The following OCA2 variants were observed in gnomAD, a reference collection of about 807,000 sequenced individuals.
The protein encoded by OCA2 is OCA2 melanosomal transmembrane protein.
A neutral mutation model predicts 100.2 loss-of-function variants in OCA2; 77 were observed. That is an observed-to-expected ratio of 0.77 (90% CI 0.64 to 0.93). The LOEUF is 0.93. Ranked by LOEUF, OCA2 falls within the 40% of genes least tolerant of loss-of-function variation. The pLI is 0.00. For missense variants in OCA2, 1,062 were observed against 1,089.1 expected (o/e 0.98, Z 0.35); for synonymous variants, 432 against 439.2 (o/e 0.98, Z 0.21).
chr15:27,910,784 C>T (rs1395356825), intron 19 of OCA2, among the ~76,000 whole-genome samples: 6 of 151,670 alleles, frequency 4.0e-5, no homozygotes, highest in East Asian at 1.9e-4. Context: ...AGTGAAACCC[C>T]GCATCTACTA....
At chr15:27,904,783 G>A (rs1467429189) in intron 19 of OCA2, among the ~76,000 whole-genome samples, 1 of 151,844 alleles carries the variant, frequency 6.6e-6, no homozygotes, top group East Asian at 1.9e-4. Context: ...AGCTTGCCTG[G>A]GTAGGCCTCT....
intron 21 of OCA2, among the ~76,000 whole-genome samples, chr15:27,856,676 TAC>T (rs973800458): frequency 4.0e-5 from 6 of 149,470 alleles, no homozygotes; most frequent in Admixed American, 2.0e-4. Flanking sequence ...ATTATTTCTG[TAC>T]ACACACACAA....
downstream of OCA2, among the ~76,000 whole-genome samples, chr15:27,753,899 G>A (rs1427267555): frequency 5.3e-5 from 8 of 152,098 alleles, no homozygotes; most frequent in Non-Finnish European, 1.5e-5. Flanking sequence ...GATGGGAGCT[G>A]AGCTGGAAGG....
the OCA2 span, among the ~76,000 whole-genome samples, chr15:27,731,689 C>T: frequency 2.0e-5 from 3 of 152,194 alleles, no homozygotes; most frequent in African/African-American, 4.8e-5. Flanking sequence ...TAAATTACCT[C>T]AGCTGAATGG....
rs538049290 is a variant in OCA2 at position 27,844,227 on chromosome 15, C to T, written c.2432+732G>A. 1.1e-3 allele frequency among the ~76,000 whole-genome samples: 163 copies of T among 152,330 alleles called. 1 individual carries two copies. The highest frequency in any genetic ancestry group is 2.0e-3 in the Non-Finnish European group (135 of 68,036). ...CCCCACCGAGGGCCTCATCTCTGCACAGTCCTCCTGAGAGGTGCCCACACA... is the reference window on the plus strand; with the variant it reads ...CCCCACCGAGGGCCTCATCTCTGCATAGTCCTCCTGAGAGGTGCCCACACA... On this transcript the variant is annotated intron_variant, in intron 23 of 23. Transcript: ENST00000354638.
intron 18 of OCA2, among the ~76,000 whole-genome samples, chr15:27,948,429 G>A (rs1371020780): frequency 1.3e-5 from 2 of 152,108 alleles, no homozygotes; most frequent in African/African-American, 2.4e-5. Context: ...GCTCAGAAGT[G>A]TCTGGAGTAG....
At chr15:27,951,023 G>A (rs978064092) in intron 18 of OCA2, among the ~76,000 whole-genome samples, 6 of 152,206 alleles carry the variant, frequency 3.9e-5, no homozygotes, top group African/African-American at 9.6e-5. Context: ...ACACTTTCAT[G>A]TGGGGTGGGT....
chr15:28,016,799 A>T (rs1249245016), intron 7 of OCA2, among the ~76,000 whole-genome samples: 1 of 152,116 alleles, frequency 6.6e-6, no homozygotes, highest in African/African-American at 2.4e-5. Flanking sequence ...TTTCTAATAT[A>T]AATTTTTTTT....
At chr15:28,056,180 A>T (rs1158867256) in intron 2 of OCA2, among the ~76,000 whole-genome samples, 3 of 152,158 alleles carry the variant, frequency 2.0e-5, no homozygotes, top group Admixed American at 6.5e-5. Context: ...GCCTCGCTCC[A>T]CAGCCCACCA....
downstream of OCA2, among the ~76,000 whole-genome samples, chr15:27,750,122 C>G (rs899472115): frequency 6.6e-6 from 1 of 152,178 alleles, no homozygotes; most frequent in African/African-American, 2.4e-5. Context: ...AGTGACTGCA[C>G]CTTGGTTAGT....
intron 19 of OCA2, among the ~76,000 whole-genome samples, chr15:27,900,243 T>A (rs1007728056): frequency 6.6e-6 from 1 of 152,156 alleles, no homozygotes; most frequent in Non-Finnish European, 1.5e-5. Context: ...GGTGGAGATT[T>A]AAGATGCTAA....
chr15:27,926,094 A>G, intron 19 of OCA2, 33 bp downstream of exon 19: 1 of 1,613,044 alleles, frequency 6.2e-7, no homozygotes, highest in Non-Finnish European at 8.5e-7. Context: ...AAATCAGGTA[A>G]AATGCCATAT....
At chr15:27,753,089 T>C (rs73370335), downstream of OCA2, among the ~76,000 whole-genome samples, 3,230 of 152,132 alleles carry the variant, frequency 0.021, 119 homozygotes, top group African/African-American at 0.073. Context: ...AGTTTGTTGG[T>C]TGACTTTTAA....
At chr15:27,748,769 G>A in the OCA2 span, among the ~76,000 whole-genome samples, 3 of 152,070 alleles carry the variant, frequency 2.0e-5, no homozygotes, top group African/African-American at 7.2e-5. Flanking sequence ...GATGCAATAG[G>A]CAATGAATAA....
At chr15:27,923,311 C>A (rs1246613364) in intron 19 of OCA2, among the ~76,000 whole-genome samples, 1 of 152,198 alleles carries the variant, frequency 6.6e-6, no homozygotes, top group Non-Finnish European at 1.5e-5. Context: ...GCAATGAACA[C>A]ACATGTGCAT....
intron 23 of OCA2, among the ~76,000 whole-genome samples, chr15:27,772,569 A>G (rs928354861): frequency 6.6e-6 from 1 of 152,146 alleles, no homozygotes; most frequent in Non-Finnish European, 1.5e-5. Flanking sequence ...CTGGCCGGGC[A>G]CGGTGGCTCA....
intron 9 of OCA2, among the ~76,000 whole-genome samples, chr15:28,008,091 T>C (rs866565459): frequency 9.2e-5 from 14 of 152,330 alleles, no homozygotes; most frequent in Admixed American, 5.9e-4. Flanking sequence ...TCCAAGGCAC[T>C]GGGAATCAAC....
chr15:27,763,253 CATAAGAAAAAAAAATTGATAAA>C (rs2030985032), intron 23 of OCA2, among the ~76,000 whole-genome samples: 1 of 151,466 alleles, frequency 6.6e-6, no homozygotes. Flanking sequence ...AGTATGATTC[CATAAGAAAAAAAAATTGATAAA>C]ATCAACTTCA....
rs781406534 is a variant in OCA2 at position 28,014,791 on chromosome 15, C to A, written c.1029G>T (p.Ala343=). The A allele has an allele frequency of 6.2e-7, 1 of 1,613,472 alleles. No homozygotes were observed. The highest frequency in any genetic ancestry group is 1.3e-5 in the African/African-American group (1 of 74,976). The change falls in exon 9 of 24, where the codon GCG becomes GCT. Residue 343 remains alanine, a synonymous_variant. Transcript: ENST00000354638. The part of the protein sequence containing the change: ...IATAILAGVY[A]LIIFEIVHRT... ...TGAAAGTTACCTCAAATATGATCAG[C>A]GCGTAGACGCCCGCGAGGATGGCCG...
Sources: allele counts gnomAD v4.1 joint callset (sites outside exome capture counted in the v4.1 genomes callset), GRCh38; gene constraint gnomAD v4.1.1; transcripts MANE v1.5; gene names NCBI Gene and HGNC (gene_info 2026-07-23, HGNC 2026-07-21).